Variants in GNA14 observed in about 807,000 individuals in gnomAD.
The protein encoded by GNA14 is G protein subunit alpha 14.
In GNA14, 50 loss-of-function variants were observed where a neutral mutation model predicts 42.0. The observed-to-expected ratio is 1.19, with a 90% confidence interval of 0.95 to 1.51. GNA14 has a LOEUF of 1.51. Ranked by LOEUF, GNA14 falls within the 40% of genes most tolerant of loss-of-function variation. GNA14 has a pLI of 0.00. For missense variants in GNA14, 473 were observed against 446.2 expected, an observed-to-expected ratio of 1.06 and a Z score of -0.54; for synonymous variants, 173 against 163.1, an observed-to-expected ratio of 1.06 and a Z score of -0.46.
intron 4 of GNA14, among the ~76,000 whole-genome samples, chr9:77,429,711 G>A (rs890359219): frequency 6.6e-6 from 1 of 152,194 alleles, no homozygotes; most frequent in Non-Finnish European, 1.5e-5. Flanking sequence ...ACAGCCGGGG[G>A]CCCTGTCTAC....
chr9:77,581,318 G>T (rs1160733032), intron 1 of GNA14, among the ~76,000 whole-genome samples: 1 of 152,190 alleles, frequency 6.6e-6, no homozygotes, highest in African/African-American at 2.4e-5. Context: ...CTAACAGGTT[G>T]ACAGCATAGA....
At chr9:77,435,021 T>C (rs981801448) in intron 2 of GNA14, among the ~76,000 whole-genome samples, 2 of 143,136 alleles carry the variant, frequency 1.4e-5, no homozygotes, top group Admixed American at 7.2e-5. Flanking sequence ...TAACAACTTA[T>C]CATCAGTCTG....
intron 2 of GNA14, 28 bp downstream of exon 2, chr9:77,529,041 T>A: frequency 6.2e-7 from 1 of 1,602,002 alleles, no homozygotes; most frequent in Non-Finnish European, 8.6e-7. Context: ...CATTCACAAA[T>A]AGGGCAAGCA....
At chr9:77,637,834 CAG>C (rs773552529) in intron 1 of GNA14, among the ~76,000 whole-genome samples, 1 of 152,192 alleles carries the variant, frequency 6.6e-6, no homozygotes, top group African/African-American at 2.4e-5. Context: ...GTTGTTAATA[CAG>C]AGAGTACCAG....
intron 1 of GNA14, among the ~76,000 whole-genome samples, chr9:77,608,920 C>A (rs1465110949): frequency 2.6e-5 from 4 of 152,096 alleles, no homozygotes; most frequent in Non-Finnish European, 5.9e-5. Context: ...GTTGAAATAG[C>A]TGATCAAATC....
intron 2 of GNA14, among the ~76,000 whole-genome samples, chr9:77,480,035 C>G (rs1361739650): frequency 1.3e-5 from 2 of 152,074 alleles, no homozygotes; most frequent in African/African-American, 4.8e-5. Context: ...AATTGCATAC[C>G]CTTTATTTCC....
rs937875489 is a variant in GNA14 at position 77,620,713 on chromosome 9, G to C, written c.124+26957C>G. On this transcript the variant is annotated intron_variant, in intron 1 of 6. Transcript: ENST00000341700. ...AATACAAAAATTAACCAGACATGGT[G>C]GTGCACACCTGTAGTCCCAGCTACT... 2.0e-5 allele frequency among the ~76,000 whole-genome samples: 3 copies of C among 151,974 alleles called. 1 individual carries two copies. The highest frequency in any genetic ancestry group is 4.4e-5 in the Non-Finnish European group (3 of 67,974).
intron 2 of GNA14, among the ~76,000 whole-genome samples, chr9:77,491,201 T>G (rs914193207): frequency 2.0e-5 from 3 of 152,170 alleles, no homozygotes; most frequent in Non-Finnish European, 4.4e-5. Flanking sequence ...TCATAAGAAA[T>G]GCTAAAAGAA....
intron 1 of GNA14, among the ~76,000 whole-genome samples, chr9:77,545,570 A>G (rs1286222157): frequency 6.6e-6 from 1 of 152,208 alleles, no homozygotes; most frequent in Non-Finnish European, 1.5e-5. Context: ...CATAACATCA[A>G]CTACTTAAAA....
intron 1 of GNA14, among the ~76,000 whole-genome samples, chr9:77,582,673 T>G (rs968917401): frequency 2.0e-5 from 3 of 152,208 alleles, no homozygotes; most frequent in African/African-American, 7.2e-5. Flanking sequence ...ATTTAATCAT[T>G]TGTTCCAGTC....
chr9:77,619,616 G>C (rs1269650360), intron 1 of GNA14, among the ~76,000 whole-genome samples: 3 of 152,070 alleles, frequency 2.0e-5, no homozygotes, highest in Non-Finnish European at 4.4e-5. Flanking sequence ...TCTTTCTTTA[G>C]CTCAGTTTCC....
chr9:77,616,932 C>G (rs1040331514), intron 1 of GNA14, among the ~76,000 whole-genome samples: 348 of 151,478 alleles, frequency 2.3e-3, no homozygotes, highest in Non-Finnish European at 3.7e-3. Context: ...TGTGGTGGCA[C>G]GATCTTGGCT....
At chr9:77,639,611 A>G (rs534297635) in intron 1 of GNA14, among the ~76,000 whole-genome samples, 49 of 152,334 alleles carry the variant, frequency 3.2e-4, no homozygotes, top group Admixed American at 6.5e-4. Context: ...TGCTGTGAAT[A>G]TAAGTGTCTA....
intron 2 of GNA14, among the ~76,000 whole-genome samples, chr9:77,484,101 A>T (rs189443035): frequency 6.6e-6 from 1 of 152,232 alleles, no homozygotes; most frequent in African/African-American, 2.4e-5. Context: ...GTAAACACAG[A>T]ATCAGAAAGA....
At chr9:77,560,138 G>A (rs1030141482) in intron 1 of GNA14, among the ~76,000 whole-genome samples, 7 of 151,894 alleles carry the variant, frequency 4.6e-5, no homozygotes, top group Non-Finnish European at 1.0e-4. Flanking sequence ...TCACACTTTC[G>A]TTTTTTAAAA....
intron 1 of GNA14, among the ~76,000 whole-genome samples, chr9:77,588,000 C>G (rs1474648637): frequency 2.6e-5 from 4 of 152,134 alleles, no homozygotes; most frequent in Non-Finnish European, 4.4e-5. Flanking sequence ...ATCTTCAAAG[C>G]CAGCAGTGAC....
chr9:77,469,350 T>C (rs1836287801), intron 2 of GNA14, among the ~76,000 whole-genome samples: 1 of 127,922 alleles, frequency 7.8e-6, no homozygotes, highest in African/African-American at 3.1e-5. Context: ...GAATTAGTCC[T>C]AGGATAAACT....
chr9:77,538,244 A>T (rs906648040), intron 1 of GNA14, among the ~76,000 whole-genome samples: 22 of 151,844 alleles, frequency 1.4e-4, no homozygotes, highest in African/African-American at 3.9e-4. Flanking sequence ...CTAATTTTTT[A>T]AAATTTTTTT....
rs750857502 is a variant in GNA14, at chr9:77,447,736, A to T, written c.310-13214T>A. Among the ~76,000 whole-genome samples the T allele has an allele frequency of 4.3e-4, 65 of 152,254 alleles. 1 individual carries two copies. The highest frequency in any genetic ancestry group is 6.8e-3 in the Middle Eastern group (2 of 294). Reference sequence around the variant, plus strand: ...GTCCTTCACTAGATTATTTGCACCCAGTCTGCAGGGGAGGGAAGAGAGCAT... The same window carrying T: ...GTCCTTCACTAGATTATTTGCACCCTGTCTGCAGGGGAGGGAAGAGAGCAT... On this transcript the variant is annotated intron_variant, in intron 2 of 6. Coordinates refer to ENST00000341700, the MANE Select transcript of GNA14 (RefSeq NM_004297.4).
Sources: gnomAD v4.1 joint callset for allele counts (sites outside exome capture counted in the v4.1 genomes callset) on GRCh38, gnomAD v4.1.1 for gene constraint, MANE v1.5 for transcripts, NCBI Gene and HGNC (gene_info 2026-07-23, HGNC 2026-07-21) for gene names.